Variants in SLC35F1 observed in about 807,000 individuals in gnomAD.
SLC35F1 encodes the protein solute carrier family 35 member F1.
SLC35F1 carries 14 observed loss-of-function variants against 48.7 expected under a neutral mutation model. The ratio of observed to expected loss-of-function variants is 0.29; its 90% CI spans 0.19 to 0.45. SLC35F1 has a LOEUF of 0.45. Among genes scored for constraint, SLC35F1 ranks in the 20% least tolerant of loss-of-function variants. SLC35F1 has a pLI of 1.00. For synonymous variants in SLC35F1, 190 were observed against 202.2 expected (o/e 0.94, Z 0.51); for missense variants, 404 against 500.0 (o/e 0.81, Z 1.83).
intron 3 of SLC35F1, among the ~76,000 whole-genome samples, chr6:118,246,076 G>A (rs562543720): frequency 3.3e-5 from 5 of 152,210 alleles, no homozygotes; most frequent in South Asian, 4.2e-4. Context: ...CAGGGATACC[G>A]GGCCTGGTTC....
chr6:118,187,493 C>T (rs1774673931), intron 2 of SLC35F1, among the ~76,000 whole-genome samples: 1 of 152,208 alleles, frequency 6.6e-6, no homozygotes, highest in Non-Finnish European at 1.5e-5. Flanking sequence ...CATGACAAGA[C>T]TTCTTCAATG....
At chr6:118,135,655 G>T (rs1773783192) in intron 1 of SLC35F1, among the ~76,000 whole-genome samples, 1 of 152,198 alleles carries the variant, frequency 6.6e-6, no homozygotes, top group Non-Finnish European at 1.5e-5. Flanking sequence ...ACACCTGCTG[G>T]TTTCTAAACA....
chr6:117,958,010 G>A (rs2114832785), intron 1 of SLC35F1, among the ~76,000 whole-genome samples: 1 of 152,324 alleles, frequency 6.6e-6, no homozygotes, highest in East Asian at 1.9e-4. Flanking sequence ...AGCTCTATGA[G>A]TGTTATTGCC....
chr6:118,096,028 A>T (rs1773171755), intron 1 of SLC35F1, among the ~76,000 whole-genome samples: 1 of 152,208 alleles, frequency 6.6e-6, no homozygotes, highest in African/African-American at 2.4e-5. Flanking sequence ...TGTGAGAGGC[A>T]TAATATGGTG....
rs764902544 is a variant in SLC35F1, at chr6:118,267,055, C to T, written c.538C>T (p.Arg180Trp). ...GCTCTCCTGGTTCTTCCTGCTGATCCGGTACAAGGCTGTGCATTTCATCGG... is the reference window on the plus strand; with the variant it reads ...GCTCTCCTGGTTCTTCCTGCTGATCTGGTACAAGGCTGTGCATTTCATCGG... ...ILLSWFFLLI[R>W]YKAVHFIGIV... Residue 180 changes from arginine (R) to tryptophan (W), a missense_variant, in exon 4 of 8, where the codon CGG (arginine) becomes TGG (tryptophan). This residue lies in a region of SLC35F1 where 306 missense variants were observed against 419.1 expected (regional missense o/e 0.73). Coordinates refer to ENST00000360388, the MANE Select transcript of SLC35F1 (RefSeq NM_001029858.4). 1.2e-5 allele frequency: 20 copies of T among 1,613,816 alleles called. No individual in the cohort carries two copies. In the Admixed American group the frequency reaches 2.0e-4, roughly 16 times the overall value.
In SLC35F1 at chr6:117,923,766, C is replaced by CATATGTATAT. The variant is rs1775971548; in HGVS notation, c.173+15870_173+15871insTGTATATATA. On this transcript the variant is annotated intron_variant, in intron 1 of 7. Coordinates refer to ENST00000360388, the MANE Select transcript of SLC35F1 (RefSeq NM_001029858.4). ...ATATATGTACATATATACATATGCA[C>CATATGTATAT]ATACATATGTATATATACATATATG... Among the ~76,000 whole-genome samples, 6 of 17,832 alleles carry CATATGTATAT rather than the reference C, an allele frequency of 3.4e-4. 1 individual carries two copies. In the East Asian group the frequency reaches 0.014, roughly 41 times the overall value. 11.7% of individuals were successfully genotyped at this position (17,832 alleles called of 152,430 possible). A position where few individuals can be genotyped will look rare whatever the true frequency, so the allele number is the denominator to read the frequency against.
At position 118,314,363 on chromosome 6, in the gene SLC35F1, A is replaced by G. The variant is rs1776407514; in HGVS notation, c.*111A>G. On this transcript the variant is annotated 3_prime_UTR_variant, in exon 8 of 8. Coordinates refer to ENST00000360388, the MANE Select transcript of SLC35F1 (RefSeq NM_001029858.4). ...TACTAGGTGCAGTTTACACAGGTGG[A>G]CTGCAAGGTAGCAAATCCTCCAAAA... 19 of 908,014 alleles carry G rather than the reference A, an allele frequency of 2.1e-5. No homozygotes were observed. Among genetic ancestry groups the G allele is most frequent in the Admixed American group, 2.3e-5 (1 of 42,780 alleles). The allele number at this position is 908,014 out of a possible 1,614,324, so 56.2% of individuals were successfully genotyped here.
At chr6:118,107,901 G>C (rs28706497) in intron 1 of SLC35F1, among the ~76,000 whole-genome samples, 10,506 of 152,084 alleles carry the variant, frequency 0.069, 997 homozygotes, top group African/African-American at 0.21. Context: ...AGGAATTGTA[G>C]CTTGCCTTGA....
At chr6:117,913,547 G>A (rs781753130) in intron 1 of SLC35F1, among the ~76,000 whole-genome samples, 19 of 152,276 alleles carry the variant, frequency 1.2e-4, no homozygotes, top group African/African-American at 3.6e-4. Context: ...TATGCAATGC[G>A]TATTAACCTT....
chr6:118,117,191 G>A (rs756052261), intron 1 of SLC35F1, among the ~76,000 whole-genome samples: 3 of 152,116 alleles, frequency 2.0e-5, no homozygotes, highest in Non-Finnish European at 2.9e-5. Context: ...ACACTTAACC[G>A]TACCAACACC....
At chr6:118,251,647 T>G (rs192892118) in intron 3 of SLC35F1, among the ~76,000 whole-genome samples, 10 of 152,272 alleles carry the variant, frequency 6.6e-5, no homozygotes, top group Non-Finnish European at 1.3e-4. Flanking sequence ...TCTGATCTTT[T>G]TTCAGATCAG....
Position 117,907,851 on chromosome 6 carries a change from C to A in SLC35F1, c.125C>A (p.Ala42Asp). 2 of 1,535,472 alleles carry A rather than the reference C, an allele frequency of 1.3e-6. No individual in the cohort carries two copies. Among genetic ancestry groups the A allele is most frequent in the African/African-American group, 2.9e-5 (2 of 70,094 alleles). Reference sequence around the variant, plus strand: ...AGCGGCGGCGGCGGGAGCCTGTCCGCCTCCTCCCGGGCTGGCGTGCGCCAG... The same window carrying A: ...AGCGGCGGCGGCGGGAGCCTGTCCGACTCCTCCCGGGCTGGCGTGCGCCAG... The part of the protein sequence containing the change: ...EGSGGGGSLS[A>D]SSRAGVRQRI... Residue 42 changes from alanine (A) to aspartate (D), a missense_variant, in exon 1 of 8, where the codon GCC becomes GAC. By Grantham distance (126) the Ala-to-Asp change is moderately radical. Around this residue, in one of 2 missense-constraint regions of SLC35F1, gnomAD observed 98 missense variants for 81.0 expected, o/e 1.21. Transcript: ENST00000360388.
intron 1 of SLC35F1, among the ~76,000 whole-genome samples, chr6:118,130,612 T>C (rs17334417): frequency 0.34 from 51,924 of 152,050 alleles, 9,685 homozygotes; most frequent in Non-Finnish European, 0.43. Flanking sequence ...AAAGGCATAA[T>C]ACTTGGCCAA....
At chr6:118,186,578 C>A (rs1774659873) in intron 2 of SLC35F1, among the ~76,000 whole-genome samples, 1 of 152,136 alleles carries the variant, frequency 6.6e-6, no homozygotes, top group Non-Finnish European at 1.5e-5. Context: ...TTCATTTTGA[C>A]TAAGTTTACT....
chr6:117,990,551 A>G (rs1776904718), intron 1 of SLC35F1, among the ~76,000 whole-genome samples: 1 of 152,284 alleles, frequency 6.6e-6, no homozygotes, highest in Middle Eastern at 3.4e-3. Flanking sequence ...CAACTCATCA[A>G]TTGCTCCTTG....
chr6:118,171,595 T>C (rs1235724249), intron 2 of SLC35F1, among the ~76,000 whole-genome samples: 2 of 152,232 alleles, frequency 1.3e-5, no homozygotes, highest in African/African-American at 4.8e-5. Context: ...AAGCCTATTC[T>C]TGGTATTCAA....
rs368788959 is a variant in SLC35F1, at chr6:118,253,116, A to G, written c.478-13879A>G. Reference sequence around the variant, plus strand: ...GCCTAGGGATGATTTTTAAAGTCAGAACGGTAGGTGAAATCATTCAGGGTA... The same window carrying G: ...GCCTAGGGATGATTTTTAAAGTCAGGACGGTAGGTGAAATCATTCAGGGTA... On this transcript the variant is annotated intron_variant, in intron 3 of 7. Coordinates refer to ENST00000360388, the MANE Select transcript of SLC35F1 (RefSeq NM_001029858.4). 8.5e-5 allele frequency among the ~76,000 whole-genome samples: 13 copies of G among 152,282 alleles called. No individual in the cohort carries two copies. In the South Asian group the frequency reaches 2.3e-3, roughly 27 times the overall value.
chr6:118,124,652 C>T (rs1439548434), intron 1 of SLC35F1, among the ~76,000 whole-genome samples: 1 of 152,140 alleles, frequency 6.6e-6, no homozygotes, highest in Admixed American at 6.6e-5. Context: ...CCAGGGTGAC[C>T]TATCATGACC....
At chr6:118,085,682 A>T (rs1296306517) in intron 1 of SLC35F1, among the ~76,000 whole-genome samples, 1 of 137,072 alleles carries the variant, frequency 7.3e-6, no homozygotes, top group Non-Finnish European at 1.6e-5. Flanking sequence ...CATGCCAAAT[A>T]TTAATCACGG....
Sources: allele counts gnomAD v4.1 joint callset (sites outside exome capture counted in the v4.1 genomes callset), GRCh38; gene constraint gnomAD v4.1.1; regional missense constraint gnomAD v4.1.1; transcripts MANE v1.5; gene names NCBI Gene and HGNC (gene_info 2026-07-23, HGNC 2026-07-21).